Variants in SVIL observed in about 807,000 individuals in gnomAD.
SVIL encodes the protein archvillin.
SVIL carries 101 observed loss-of-function variants against 240.4 expected under a neutral mutation model. The ratio of observed to expected loss-of-function variants is 0.42; its 90% CI spans 0.36 to 0.50. The LOEUF (loss-of-function observed/expected upper bound fraction) is 0.50. Ranked by LOEUF, SVIL falls within the 20% of genes least tolerant of loss-of-function variation. The probability of loss-of-function intolerance (pLI) is 0.01; values close to 1 mark genes in which losing one functional copy is unlikely to be tolerated. For missense variants in SVIL, 2,512 were observed against 2,818.7 expected (o/e 0.89, Z 2.46); for synonymous variants, 999 against 1,100.0 (o/e 0.91, Z 1.82).
At chr10:29,654,424 A>G (rs994019297) in intron 3 of SVIL, among the ~76,000 whole-genome samples, 6 of 152,202 alleles carry the variant, frequency 3.9e-5, no homozygotes, top group Admixed American at 1.3e-4. Context: ...TTTTAATAGT[A>G]TGGTGAGTTC....
chr10:29,497,177 C>T (rs757154624), intron 18 of SVIL, among the ~76,000 whole-genome samples: 4 of 152,192 alleles, frequency 2.6e-5, no homozygotes, highest in African/African-American at 2.4e-5. Context: ...TCCCACGTCT[C>T]GCTCCTTCCC....
chr10:29,544,756 A>T (rs1952486203), intron 6 of SVIL, among the ~76,000 whole-genome samples: 2 of 87,248 alleles, frequency 2.3e-5, no homozygotes, highest in African/African-American at 8.9e-5. Context: ...ACCTTTTCTA[A>T]AAAAAAAAAA....
At chr10:29,500,287 G>A (rs1391932725) in intron 17 of SVIL, among the ~76,000 whole-genome samples, 1 of 152,116 alleles carries the variant, frequency 6.6e-6, no homozygotes, top group Non-Finnish European at 1.5e-5. Flanking sequence ...CTGTCTTCAA[G>A]CCATCCCTCC....
At chr10:29,557,457 T>A (rs1296347524) in intron 3 of SVIL, among the ~76,000 whole-genome samples, 2 of 152,158 alleles carry the variant, frequency 1.3e-5, no homozygotes, top group African/African-American at 2.4e-5. Context: ...AAACCGTTAA[T>A]AAACCGAGTA....
Position 29,550,601 on chromosome 10 carries a change from G to A in SVIL, c.823C>T (p.Pro275Ser), listed in dbSNP as rs777310448. 1.2e-5 allele frequency: 19 copies of A among 1,606,568 alleles called. No individual in the cohort carries two copies. The East Asian group carries it at 4.0e-4, about 34-fold the overall frequency. ...TAGCGTGGACTGGATGCTTACCTGG[G>A]TCGGGCCTCAGGGGATAGCTGTGGG... ...GDPQLSPEAR[P>S]STGKPKHEWF... Residue 275 changes from proline (P) to serine (S), a missense_variant, in exon 6 of 38, where the codon CCC becomes TCC. Coordinates refer to ENST00000355867, the MANE Select transcript of SVIL (RefSeq NM_021738.3).
chr10:29,710,569 A>G (rs940127364), intron 1 of SVIL, among the ~76,000 whole-genome samples: 1 of 152,250 alleles, frequency 6.6e-6, no homozygotes, highest in Non-Finnish European at 1.5e-5. Context: ...AATTGTATTA[A>G]TAATTATTGC....
intron 17 of SVIL, among the ~76,000 whole-genome samples, chr10:29,504,437 A>G (rs1462524383): frequency 6.6e-6 from 1 of 152,226 alleles, no homozygotes; most frequent in Non-Finnish European, 1.5e-5. Flanking sequence ...TGCAAAAGAC[A>G]TATCTGATAA....
At chr10:29,470,184 G>T in intron 32 of SVIL, 92 bp downstream of exon 32, 3 of 1,433,368 alleles carry the variant, frequency 2.1e-6, no homozygotes, top group Non-Finnish European at 9.8e-7. Context: ...CAGCACCCTG[G>T]GATCTGCTGG....
At position 29,532,673 on chromosome 10, in the gene SVIL, G is replaced by A. The variant is rs768767379; in HGVS notation, c.1694C>T (p.Pro565Leu). The A allele has an allele frequency of 2.2e-5, 36 of 1,614,170 alleles. No individual in the cohort carries two copies. The highest frequency in any genetic ancestry group is 3.1e-5 in the Non-Finnish European group (36 of 1,180,024). The change falls in exon 8 of 38, where the codon CCA becomes CTA. Residue 565 changes from proline (P) to leucine (L), a missense_variant. Physicochemically the swap from Pro to Leu is moderately conservative, Grantham distance 98. Around this residue, in one of 3 missense-constraint regions of SVIL, gnomAD observed 1,443 missense variants for 1,486.6 expected, o/e 0.97. Coordinates refer to ENST00000355867, the MANE Select transcript of SVIL (RefSeq NM_021738.3). ...CAGCTCCAGCTCTCTCCTGGAAGCT[G>A]GGTCCTTATACTTCAAGGCCTGGAG... is the stretch of plus-strand genomic sequence containing the variant. The part of the protein sequence containing the change: ...PQLQALKYKD[P>L]ASRRELELPS...
chr10:29,508,596 T>C (rs368749843), intron 17 of SVIL: 30 of 356,048 alleles, frequency 8.4e-5, no homozygotes, highest in Non-Finnish European at 1.2e-4. Flanking sequence ...TCCCTCAGCC[T>C]TTCTCTCCCT....
chr10:29,626,121 A>G (rs1427499753), intron 1 of SVIL, among the ~76,000 whole-genome samples: 1 of 152,228 alleles, frequency 6.6e-6, no homozygotes, highest in Non-Finnish European at 1.5e-5. Flanking sequence ...AAGGTATAGC[A>G]TGGTGACTAT....
intron 3 of SVIL, among the ~76,000 whole-genome samples, chr10:29,646,028 G>A (rs1958643819): frequency 6.6e-6 from 1 of 152,248 alleles, no homozygotes; most frequent in African/African-American, 2.4e-5. Context: ...CCCCTAAAAT[G>A]TGACTTGTGT....
intron 16 of SVIL, among the ~76,000 whole-genome samples, chr10:29,517,692 C>T (rs186098208): frequency 7.7e-4 from 117 of 152,266 alleles, no homozygotes; most frequent in African/African-American, 2.6e-3. Flanking sequence ...ACCATAGAGG[C>T]GTGAGGTGGA....
rs1331848614 is a variant in SVIL at position 29,541,632 on chromosome 10, G to A, written c.828-5563C>T. On this transcript the variant is annotated intron_variant, in intron 6 of 37. Coordinates refer to ENST00000355867, the MANE Select transcript of SVIL (RefSeq NM_021738.3). ...CGCAGCCCAGAAAGGAGGGAGGGAG[G>A]AGGTATGTGCAGAAAGCACAATTGT... 2.6e-5 allele frequency among the ~76,000 whole-genome samples: 4 copies of A among 152,128 alleles called. 1 individual carries two copies. In the South Asian group the frequency reaches 8.3e-4, roughly 32 times the overall value.
At chr10:29,611,118 A>G (rs929076836) in intron 1 of SVIL, among the ~76,000 whole-genome samples, 3 of 152,092 alleles carry the variant, frequency 2.0e-5, no homozygotes, top group African/African-American at 7.2e-5. Flanking sequence ...CCTGAGAGGA[A>G]TGTCGCCCCC....
intron 2 of SVIL, among the ~76,000 whole-genome samples, chr10:29,673,541 C>T (rs527658148): frequency 7.0e-6 from 1 of 142,496 alleles, no homozygotes; most frequent in African/African-American, 2.6e-5. Context: ...TGGCGGAAGG[C>T]AAAGGGGAAG....
chr10:29,525,234 T>G (rs1950819711), intron 13 of SVIL, among the ~76,000 whole-genome samples: 1 of 152,232 alleles, frequency 6.6e-6, no homozygotes, highest in Non-Finnish European at 1.5e-5. Context: ...TGCTTCAGCT[T>G]AGCATTTACT....
intron 1 of SVIL, among the ~76,000 whole-genome samples, chr10:29,721,462 C>CA (rs890597293): frequency 3.4e-4 from 45 of 131,080 alleles, no homozygotes; most frequent in African/African-American, 1.1e-3. Flanking sequence ...ATACTGCCTA[C>CA]AAAAAAAAAG....
chr10:29,695,320 T>C (rs973818712), intron 1 of SVIL, among the ~76,000 whole-genome samples: 2 of 152,082 alleles, frequency 1.3e-5, no homozygotes, highest in Non-Finnish European at 2.9e-5. Context: ...ACTTATTGGG[T>C]ACAATGTACA....
Sources: allele counts gnomAD v4.1 joint callset (sites outside exome capture counted in the v4.1 genomes callset), GRCh38; gene constraint gnomAD v4.1.1; regional missense constraint gnomAD v4.1.1; transcripts MANE v1.5; gene names NCBI Gene and HGNC (gene_info 2026-07-23, HGNC 2026-07-21).